GABRA3: variants seen among roughly 807,000 people sequenced by gnomAD.
GABRA3 encodes the protein gamma-aminobutyric acid type A receptor subunit alpha3.
A neutral mutation model predicts 30.1 loss-of-function variants in GABRA3; 10 were observed. The observed-to-expected ratio is 0.33, with a 90% CI of 0.20 to 0.56. The LOEUF is 0.56. Ranked by LOEUF, GABRA3 falls within the 20% of genes least tolerant of loss-of-function variation. GABRA3 has a pLI of 0.89. For missense variants in GABRA3, 233 were observed against 392.0 expected (o/e 0.59, Z 3.42); for synonymous variants, 151 against 146.8 (o/e 1.03, Z -0.21).
intron 9 of GABRA3, 144 bp from the exon 10 acceptor site, chrX:152,168,707 T>A: frequency 2.2e-6 from 1 of 464,516 alleles, no homozygotes; most frequent in Non-Finnish European, 3.8e-6. Context: ...ATAGCACTAG[T>A]AACCAGGTTT....
chrX:152,249,779 T>C (rs1938521172), intron 5 of GABRA3, among the ~76,000 whole-genome samples: 1 of 111,036 alleles, frequency 9.0e-6, no homozygotes, highest in Non-Finnish European at 1.9e-5. Flanking sequence ...TCTTCAAGCC[T>C]TTATACATGC....
chrX:152,353,026 A>G (rs1940501096), intron 2 of GABRA3, among the ~76,000 whole-genome samples: 2 of 111,236 alleles, frequency 1.8e-5, no homozygotes, highest in Admixed American at 1.9e-4. Context: ...AAACACCTAG[A>G]ATTCAATAGC....
intron 1 of GABRA3, among the ~76,000 whole-genome samples, chrX:152,426,502 T>C (rs750078429): frequency 9.0e-6 from 1 of 111,664 alleles, no homozygotes; most frequent in South Asian, 3.8e-4. Context: ...TCTCTAACAG[T>C]CAACACTTCA....
intron 2 of GABRA3, among the ~76,000 whole-genome samples, chrX:152,356,434 C>T (rs770496742): frequency 9.0e-6 from 1 of 111,061 alleles, no homozygotes; most frequent in Non-Finnish European, 1.9e-5. Context: ...TAAGAAAGTA[C>T]GGAAATAATC....
At chrX:152,325,892 T>C (rs991951664) in intron 3 of GABRA3, among the ~76,000 whole-genome samples, 1 of 111,137 alleles carries the variant, frequency 9.0e-6, no homozygotes, top group Non-Finnish European at 1.9e-5. Context: ...AGATCAGTAA[T>C]AACCAACCTC....
At chrX:152,322,529 G>C (rs1304784150) in intron 3 of GABRA3, among the ~76,000 whole-genome samples, 1 of 109,941 alleles carries the variant, frequency 9.1e-6, no homozygotes, top group Non-Finnish European at 1.9e-5. Context: ...AATAAATAAA[G>C]TCAACTCTTT....
intron 9 of GABRA3, among the ~76,000 whole-genome samples, chrX:152,168,807 T>C (rs1936968963): frequency 8.9e-6 from 1 of 112,338 alleles, no homozygotes; most frequent in Non-Finnish European, 1.9e-5. Context: ...AAGTCACTTT[T>C]CCTCTTCATG....
intron 7 of GABRA3, among the ~76,000 whole-genome samples, chrX:152,200,695 CCTAT>C (rs1937472173): frequency 9.0e-6 from 1 of 111,184 alleles, no homozygotes; most frequent in Non-Finnish European, 1.9e-5. Flanking sequence ...ACCTATTAAT[CCTAT>C]CTCTGATCAT....
chrX:152,252,560 T>C (rs1015784115), intron 5 of GABRA3, among the ~76,000 whole-genome samples: 1 of 111,492 alleles, frequency 9.0e-6, no homozygotes. Flanking sequence ...TAGAACAGTG[T>C]CTGTCATATT....
At chrX:152,177,371 A>T (rs1348347948) in intron 9 of GABRA3, among the ~76,000 whole-genome samples, 1 of 111,355 alleles carries the variant, frequency 9.0e-6, no homozygotes. Context: ...GAGGATAAGG[A>T]TAAGAAGTGA....
intron 1 of GABRA3, among the ~76,000 whole-genome samples, chrX:152,427,384 CAT>C (rs1930538993): frequency 9.0e-6 from 1 of 111,621 alleles, no homozygotes; most frequent in African/African-American, 3.3e-5. Flanking sequence ...TGAATTTTGC[CAT>C]TATCAGGGCC....
intron 1 of GABRA3, chrX:152,392,437 T>C (rs183831413): frequency 7.1e-6 from 2 of 280,349 alleles, no homozygotes; most frequent in Admixed American, 3.8e-5. Context: ...CCATTTTTAG[T>C]ACAATGTAGA....
chrX:152,200,126 T>C (rs1236296016), intron 7 of GABRA3, among the ~76,000 whole-genome samples: 1 of 111,951 alleles, frequency 8.9e-6, no homozygotes, highest in Non-Finnish European at 1.9e-5. Context: ...TATCCAATGG[T>C]TTACCATCTC....
At chrX:152,209,345 G>C (rs17280085) in intron 6 of GABRA3, among the ~76,000 whole-genome samples, 2 of 110,610 alleles carry the variant, frequency 1.8e-5, no homozygotes, top group Non-Finnish European at 3.8e-5. Context: ...CCCTGACATG[G>C]TTAACTCTTT....
intron 1 of GABRA3, among the ~76,000 whole-genome samples, chrX:152,368,701 CTTTTTTTTT>C (rs59912352): frequency 2.0e-5 from 1 of 49,567 alleles, no homozygotes; most frequent in Non-Finnish European, 3.4e-5. Context: ...AATTTTTTTT[CTTTTTTTTT>C]TTTTTTTTTT....
At chrX:152,304,082 GT>G (rs757821376) in intron 3 of GABRA3, among the ~76,000 whole-genome samples, 8 of 111,617 alleles carry the variant, frequency 7.2e-5, no homozygotes, top group Non-Finnish European at 1.5e-4. Context: ...TTTTTCATTT[GT>G]TTTTTGGATG....
intron 8 of GABRA3, among the ~76,000 whole-genome samples, chrX:152,196,158 G>A (rs1212744487): frequency 1.9e-5 from 2 of 107,146 alleles, no homozygotes; most frequent in Non-Finnish European, 3.8e-5. Context: ...GCTGAGATGG[G>A]CGGATCATCT....
intron 4 of GABRA3, among the ~76,000 whole-genome samples, chrX:152,279,139 C>T (rs1939149446): frequency 8.9e-6 from 1 of 111,778 alleles, no homozygotes; most frequent in Non-Finnish European, 1.9e-5. Context: ...TCAATTTTGG[C>T]TTTTGTTGCC....
chrX:152,406,594 A>T (rs868450324), intron 1 of GABRA3, among the ~76,000 whole-genome samples: 19 of 100,953 alleles, frequency 1.9e-4, no homozygotes, highest in East Asian at 1.3e-3. Flanking sequence ...ATATATATAT[A>T]TTTTTATATG....
Sources: gnomAD v4.1 joint callset for allele counts (sites outside exome capture counted in the v4.1 genomes callset) on GRCh38, gnomAD v4.1.1 for gene constraint, MANE v1.5 for transcripts, NCBI Gene and HGNC (gene_info 2026-07-23, HGNC 2026-07-21) for gene names.